The following SLC38A12 variants were observed in gnomAD, a reference collection of about 807,000 sequenced individuals.
SLC38A12 encodes solute carrier family 38 member 12, also known as putative sodium-coupled neutral amino acid transporter 12.
chr17:74,816,141 G>A, the SLC38A12 span, among the ~76,000 whole-genome samples: 3 of 152,178 alleles, frequency 2.0e-5, no homozygotes, highest in Admixed American at 1.3e-4. Flanking sequence ...TAGAGAAACG[G>A]CTCCTCCCTG....
chr17:74,835,263 C>T, the SLC38A12 span, among the ~76,000 whole-genome samples: 3 of 152,196 alleles, frequency 2.0e-5, no homozygotes, highest in East Asian at 3.8e-4. Context: ...CTCGGCAGTC[C>T]GCAGCCTTGG....
chr17:74,830,348 G>C, the SLC38A12 span, among the ~76,000 whole-genome samples: 2 of 152,232 alleles, frequency 1.3e-5, no homozygotes, highest in African/African-American at 4.8e-5. Context: ...TTTGCCGTTT[G>C]GCAGGTGTTC....
the SLC38A12 span, chr17:74,791,162 TG>T: frequency 1.3e-6 from 1 of 787,044 alleles, no homozygotes. Context: ...GTGGTAGAGC[TG>T]CTCCCTCAGC....
At chr17:74,812,648 G>A in the SLC38A12 span, among the ~76,000 whole-genome samples, 3 of 152,040 alleles carry the variant, frequency 2.0e-5, no homozygotes, top group Non-Finnish European at 2.9e-5. Context: ...CGATTTGTGC[G>A]CTCCGCCTCC....
the SLC38A12 span, chr17:74,839,509 A>G: frequency 3.0e-4 from 59 of 194,946 alleles, no homozygotes; most frequent in Non-Finnish European, 4.2e-4. Flanking sequence ...CCTGGGGCCA[A>G]TGGTGTTGAT....
the SLC38A12 span, among the ~76,000 whole-genome samples, chr17:74,791,282 A>T: frequency 6.6e-6 from 1 of 151,802 alleles, no homozygotes; most frequent in Non-Finnish European, 1.5e-5. Flanking sequence ...CCAGGCAGCT[A>T]CTCCAGCCAG....
At chr17:74,836,702 G>A in the SLC38A12 span, 2 of 1,574,784 alleles carry the variant, frequency 1.3e-6, no homozygotes, top group African/African-American at 2.7e-5. The surrounding 1 kb of genome is among the most constrained non-coding windows in gnomAD (Gnocchi z 4.2). Flanking sequence ...AGGACAGGCA[G>A]GTCTAGTGAC....
chr17:74,792,710 G>A, the SLC38A12 span, among the ~76,000 whole-genome samples: 2 of 152,226 alleles, frequency 1.3e-5, no homozygotes, highest in East Asian at 1.9e-4. Context: ...TTTTTAGGAC[G>A]TTAAGCATTT....
the SLC38A12 span, chr17:74,795,202 C>T: frequency 9.4e-7 from 1 of 1,064,736 alleles, no homozygotes; most frequent in Middle Eastern, 2.4e-4. Context: ...AGCACCATGC[C>T]AAGTGAGTTC....
the SLC38A12 span, among the ~76,000 whole-genome samples, chr17:74,833,312 G>A: frequency 6.6e-6 from 1 of 152,258 alleles, no homozygotes; most frequent in African/African-American, 2.4e-5. Flanking sequence ...ACTGTGCCCA[G>A]CCGCCATGGC....
the SLC38A12 span, among the ~76,000 whole-genome samples, chr17:74,821,252 G>A: frequency 2.6e-5 from 4 of 152,378 alleles, no homozygotes; most frequent in South Asian, 8.3e-4. Flanking sequence ...GGCCCCCACA[G>A]GGGCACATCA....
At chr17:74,795,300 CCCCTT>C in the SLC38A12 span, among the ~76,000 whole-genome samples, 118 of 152,306 alleles carry the variant, frequency 7.7e-4, 1 homozygote, top group Admixed American at 3.6e-3. Context: ...ATGTCACTGT[CCCCTT>C]CCCTGCCCCA....
At chr17:74,795,967 A>C in the SLC38A12 span, among the ~76,000 whole-genome samples, 1 of 152,068 alleles carries the variant, frequency 6.6e-6, no homozygotes, top group African/African-American at 2.4e-5. Flanking sequence ...GACACGTCTC[A>C]TTTTTTCCGA....
the SLC38A12 span, among the ~76,000 whole-genome samples, chr17:74,794,316 AG>A: frequency 6.6e-6 from 1 of 152,182 alleles, no homozygotes; most frequent in Non-Finnish European, 1.5e-5. Flanking sequence ...CTGGAGTGAG[AG>A]GGGACAAACG....
At chr17:74,814,457 A>G in the SLC38A12 span, among the ~76,000 whole-genome samples, 77 of 152,304 alleles carry the variant, frequency 5.1e-4, no homozygotes, top group African/African-American at 1.7e-3. Flanking sequence ...AGGGAGGAAT[A>G]TCATTCTCCC....
At chr17:74,803,393 C>A in the SLC38A12 span, among the ~76,000 whole-genome samples, 1 of 152,116 alleles carries the variant, frequency 6.6e-6, no homozygotes, top group Non-Finnish European at 1.5e-5. Flanking sequence ...CATCCACATC[C>A]CTGAGCTGGG....
chr17:74,787,970 A>AT, the SLC38A12 span, among the ~76,000 whole-genome samples: 2 of 151,738 alleles, frequency 1.3e-5, no homozygotes, highest in African/African-American at 4.8e-5. Context: ...ATTTTTTTGT[A>AT]TTTTTAGTAC....
At chr17:74,830,117 A>G in the SLC38A12 span, among the ~76,000 whole-genome samples, 1 of 151,324 alleles carries the variant, frequency 6.6e-6, no homozygotes, top group Middle Eastern at 3.5e-3. Context: ...CATGAGCATC[A>G]GGGCCCTGGG....
the SLC38A12 span, among the ~76,000 whole-genome samples, chr17:74,826,866 T>C: frequency 6.6e-6 from 1 of 151,968 alleles, no homozygotes; most frequent in Non-Finnish European, 1.5e-5. Context: ...ATGCTGGCGG[T>C]GGTGGGGGTA....
Sources: gnomAD v4.1 joint callset for allele counts (sites outside exome capture counted in the v4.1 genomes callset) on GRCh38, gnomAD v4.1.1 for gene constraint, Gnocchi (gnomAD v3.1) non-coding constraint, MANE v1.5 for transcripts, NCBI Gene and HGNC (gene_info 2026-07-23, HGNC 2026-07-21) for gene names.